The following RBFOX1 variants were observed in gnomAD, a reference collection of about 807,000 sequenced individuals.
RBFOX1 encodes the protein RNA binding fox-1 homolog 1, also known as RNA binding protein fox-1 homolog 1.
A neutral mutation model predicts 57.7 loss-of-function variants in RBFOX1; 8 were observed. The observed-to-expected ratio is 0.14, with a 90% confidence interval of 0.08 to 0.25. RBFOX1 has a LOEUF of 0.25. Ranked by LOEUF, RBFOX1 falls within the 10% of genes least tolerant of loss-of-function variation. RBFOX1 has a pLI of 1.00. For synonymous variants in RBFOX1, 326 were observed against 222.4 expected, an observed-to-expected ratio of 1.47 and a Z score of -4.15; for missense variants, 611 against 548.5, an observed-to-expected ratio of 1.11 and a Z score of -1.14.
Position 6,657,078 on chromosome 16 carries a change from C to G in RBFOX1, c.-16+2428C>G, listed in dbSNP as rs1174446546. On this transcript the variant is annotated intron_variant, in intron 3 of 15. Transcript: ENST00000550418. ...CTCCCCTTTCCTCTCCTCTCCTCCC[C>G]TTTCCTCTCCTCCCCTTTACTCTCC... Among the ~76,000 whole-genome samples, 4 of 124,080 alleles carry G rather than the reference C, an allele frequency of 3.2e-5. No individual in the cohort carries two copies. In the East Asian group the frequency reaches 8.6e-4, roughly 27 times the overall value. The allele number at this position is 124,080 out of a possible 152,430, so 81.4% of individuals were successfully genotyped here.
intron 4 of RBFOX1, among the ~76,000 whole-genome samples, chr16:7,206,290 A>G: frequency 6.6e-6 from 1 of 152,140 alleles, no homozygotes; most frequent in East Asian, 1.9e-4. Flanking sequence ...AATAATGGGA[A>G]GTAGGTGAAA....
intron 1 of RBFOX1, among the ~76,000 whole-genome samples, chr16:6,081,229 T>A (rs1597108776): frequency 6.6e-6 from 1 of 152,156 alleles, no homozygotes; most frequent in South Asian, 2.1e-4. Flanking sequence ...TTTAACAAGG[T>A]GTGTTGGTTC....
chr16:7,310,733 T>C (rs1603618151), intron 4 of RBFOX1, among the ~76,000 whole-genome samples: 1 of 152,192 alleles, frequency 6.6e-6, no homozygotes, highest in African/African-American at 2.4e-5. Context: ...ACACCTGTGA[T>C]CACACTTTCC....
chr16:5,693,779 C>T (rs2050766496), intron 3 of RBFOX1, among the ~76,000 whole-genome samples: 3 of 152,192 alleles, frequency 2.0e-5, no homozygotes, highest in Admixed American at 6.5e-5. Context: ...GGAATTCCTT[C>T]CTCTCCCTTC....
chr16:5,784,983 G>A (rs900032955), intron 3 of RBFOX1, among the ~76,000 whole-genome samples: 5 of 152,196 alleles, frequency 3.3e-5, no homozygotes, highest in African/African-American at 1.2e-4. Context: ...GACTAAGACA[G>A]GGAGGGACCT....
At chr16:6,663,918 G>A (rs1311010535) in intron 3 of RBFOX1, among the ~76,000 whole-genome samples, 4 of 152,290 alleles carry the variant, frequency 2.6e-5, no homozygotes, top group Non-Finnish European at 5.9e-5. Context: ...AGGCAGCAGT[G>A]GGAAAAGTGG....
At chr16:5,988,625 C>T (rs1209244793) in intron 4 of RBFOX1, among the ~76,000 whole-genome samples, 2 of 152,086 alleles carry the variant, frequency 1.3e-5, no homozygotes, top group East Asian at 1.9e-4. Context: ...CGGACAGCCT[C>T]GTATCCTGTG....
intron 2 of RBFOX1, among the ~76,000 whole-genome samples, chr16:6,619,822 A>G (rs1322891129): frequency 6.6e-6 from 1 of 151,134 alleles, no homozygotes; most frequent in Non-Finnish European, 1.5e-5. Context: ...TAATCCTAGT[A>G]CCCATTAGTT....
intron 3 of RBFOX1, among the ~76,000 whole-genome samples, chr16:6,690,888 G>T (rs1425444230): frequency 6.6e-6 from 1 of 151,784 alleles, no homozygotes; most frequent in Non-Finnish European, 1.5e-5. Flanking sequence ...ATAATCAGGG[G>T]AATTGGCAGG....
intron 12 of RBFOX1, chr16:7,664,723 C>T: frequency 1.3e-6 from 1 of 797,200 alleles, no homozygotes; most frequent in South Asian, 1.9e-5. Flanking sequence ...CATCCTAATT[C>T]TGGGCCAACA....
chr16:6,066,515 G>T (rs13337849), intron 1 of RBFOX1, among the ~76,000 whole-genome samples: 66,828 of 151,762 alleles, frequency 0.44, 14,942 homozygotes, highest in East Asian at 0.53. Context: ...AGGTGGTTAT[G>T]CAGTATTTTT....
At chr16:7,579,727 G>C (rs371686078) in intron 5 of RBFOX1, 50 bp from the exon 6 acceptor site, 17 of 1,609,564 alleles carry the variant, frequency 1.1e-5, no homozygotes, top group Non-Finnish European at 1.3e-5. Context: ...CATCGGAAGA[G>C]AGCACTGTGG....
At chr16:6,729,104 G>A (rs528589818) in intron 3 of RBFOX1, among the ~76,000 whole-genome samples, 19 of 152,196 alleles carry the variant, frequency 1.2e-4, no homozygotes, top group Admixed American at 1.2e-3. Context: ...TGTTGAAATG[G>A]AGATACTAAA....
intron 1 of RBFOX1, among the ~76,000 whole-genome samples, chr16:6,245,391 T>A (rs528256539): frequency 2.8e-4 from 43 of 152,298 alleles, no homozygotes; most frequent in African/African-American, 9.1e-4. Flanking sequence ...TAAGGCCATG[T>A]ATCTGCACCA....
intron 3 of RBFOX1, among the ~76,000 whole-genome samples, chr16:6,857,203 T>G (rs2058068752): frequency 6.6e-6 from 1 of 152,190 alleles, no homozygotes; most frequent in Non-Finnish European, 1.5e-5. Context: ...GGACTTTGGC[T>G]CTCTCTACGC....
chr16:7,553,139 A>T (rs2087120541), intron 5 of RBFOX1, among the ~76,000 whole-genome samples: 1 of 151,914 alleles, frequency 6.6e-6, no homozygotes, highest in South Asian at 2.1e-4. Flanking sequence ...CCACATTTTA[A>T]AATTTTATTT....
intron 2 of RBFOX1, among the ~76,000 whole-genome samples, chr16:6,575,053 A>G (rs1274645276): frequency 2.6e-5 from 4 of 151,694 alleles, no homozygotes; most frequent in South Asian, 4.2e-4. Flanking sequence ...AAAAAAAAAA[A>G]AAAAAAAAAC....
At chr16:7,017,245 A>G (rs923073184) in intron 3 of RBFOX1, among the ~76,000 whole-genome samples, 1 of 152,204 alleles carries the variant, frequency 6.6e-6, no homozygotes, top group Non-Finnish European at 1.5e-5. Flanking sequence ...CAAAATGTGC[A>G]GCCTCGGCTG....
intron 4 of RBFOX1, among the ~76,000 whole-genome samples, chr16:7,143,590 C>A (rs112843804): frequency 0.038 from 5,754 of 152,190 alleles, 374 homozygotes; most frequent in African/African-American, 0.13. Context: ...CCCAGACCTC[C>A]TTCTCACTCA....
Sources: allele counts gnomAD v4.1 joint callset (sites outside exome capture counted in the v4.1 genomes callset), GRCh38; gene constraint gnomAD v4.1.1; transcripts MANE v1.5; gene names NCBI Gene and HGNC (gene_info 2026-07-23, HGNC 2026-07-21).